The following LRFN2 variants were observed in gnomAD, a reference collection of about 807,000 sequenced individuals.
LRFN2 encodes the protein leucine-rich repeat and fibronectin type-III domain-containing protein 2.
A neutral mutation model predicts 37.3 loss-of-function variants in LRFN2; 18 were observed. The ratio of observed to expected loss-of-function variants is 0.48; its 90% CI spans 0.33 to 0.72. The LOEUF (loss-of-function observed/expected upper bound fraction) is 0.72. LRFN2 is among the 30% of genes least tolerant of loss of function. The probability of loss-of-function intolerance (pLI) is 0.02; values close to 1 mark genes in which losing one functional copy is unlikely to be tolerated. For missense variants in LRFN2, 1,006 were observed against 1,060.7 expected, an observed-to-expected ratio of 0.95 and a Z score of 0.72; for synonymous variants, 556 against 466.6, an observed-to-expected ratio of 1.19 and a Z score of -2.47.
intron 1 of LRFN2, among the ~76,000 whole-genome samples, chr6:40,481,485 A>G (rs1445419506): frequency 6.6e-6 from 1 of 151,666 alleles, no homozygotes; most frequent in Non-Finnish European, 1.5e-5. Context: ...AAAGAAAACC[A>G]TTTACTGAAA....
intron 1 of LRFN2, among the ~76,000 whole-genome samples, chr6:40,492,205 G>T (rs986935217): frequency 3.1e-4 from 47 of 152,198 alleles, no homozygotes; most frequent in African/African-American, 1.1e-3. Context: ...AAGGTGATGG[G>T]ACTAGTTGGG....
intron 1 of LRFN2, among the ~76,000 whole-genome samples, chr6:40,476,840 T>C (rs1351349235): frequency 2.6e-5 from 4 of 152,078 alleles, no homozygotes; most frequent in African/African-American, 7.3e-5. Flanking sequence ...CCAATGGACA[T>C]CTTCTGCCCC....
intron 1 of LRFN2, among the ~76,000 whole-genome samples, chr6:40,488,868 G>A (rs1250662546): frequency 6.6e-6 from 1 of 152,094 alleles, no homozygotes; most frequent in Non-Finnish European, 1.5e-5. Context: ...TTAGAATTAG[G>A]GAACATTCTA....
At chr6:40,482,994 G>A (rs146135871) in intron 1 of LRFN2, among the ~76,000 whole-genome samples, 189 of 152,308 alleles carry the variant, frequency 1.2e-3, no homozygotes, top group African/African-American at 3.8e-3. Context: ...GCCTCTCCCC[G>A]TTCTTGGAAC....
chr6:40,422,390 G>T (rs1014685727), intron 2 of LRFN2, among the ~76,000 whole-genome samples: 1 of 152,204 alleles, frequency 6.6e-6, no homozygotes, highest in Non-Finnish European at 1.5e-5. Context: ...ATCACTGGGA[G>T]AGCCTTAAAA....
At chr6:40,486,273 G>T (rs948585643) in intron 1 of LRFN2, among the ~76,000 whole-genome samples, 16 of 152,120 alleles carry the variant, frequency 1.1e-4, no homozygotes, top group South Asian at 1.0e-3. Context: ...CGTCCACAGA[G>T]GATGAGCAGA....
intron 1 of LRFN2, among the ~76,000 whole-genome samples, chr6:40,578,142 T>G (rs1767329537): frequency 6.6e-6 from 1 of 152,224 alleles, no homozygotes. Context: ...TCATGTCCTG[T>G]GGCCTAACTC....
intron 1 of LRFN2, among the ~76,000 whole-genome samples, chr6:40,526,381 A>G (rs1296578401): frequency 1.3e-5 from 2 of 152,216 alleles, no homozygotes; most frequent in African/African-American, 4.8e-5. Flanking sequence ...CTTAGCAAAG[A>G]CAGAAAATGA....
chr6:40,392,273 G>T lies in LRFN2; in HGVS notation c.2040C>A (p.Ala680=). The T allele has an allele frequency of 6.2e-7, 1 of 1,600,660 alleles. No individual in the cohort carries two copies. Among genetic ancestry groups the T allele is most frequent in the Non-Finnish European group, 8.5e-7 (1 of 1,174,586 alleles). The change falls in exon 3 of 3, where the codon GCC becomes GCA. Residue 680 remains alanine (A), a synonymous_variant. Transcript: ENST00000338305. The surrounding 1 kb of genome is among the most constrained non-coding windows in gnomAD (Gnocchi z 4.7). ...KEELLDSRTP[A]GRGAGTSARG... The stretch of plus-strand genomic sequence containing the variant: ...GGGCCGACGTCCCAGCCCCTCTCCC[G>T]GCTGGAGTCCTGGAGTCCAGCAGCT...
At chr6:40,520,022 G>A (rs1420989602) in intron 1 of LRFN2, among the ~76,000 whole-genome samples, 1 of 152,150 alleles carries the variant, frequency 6.6e-6, no homozygotes, top group Non-Finnish European at 1.5e-5. Flanking sequence ...TGGCATATAT[G>A]GATATAAAGG....
chr6:40,524,359 C>A (rs1333273882), intron 1 of LRFN2, among the ~76,000 whole-genome samples: 6 of 151,964 alleles, frequency 3.9e-5, no homozygotes, highest in Non-Finnish European at 8.8e-5. Flanking sequence ...TCAGCCACCT[C>A]CCCCTACCCT....
intron 1 of LRFN2, among the ~76,000 whole-genome samples, chr6:40,442,028 G>A (rs1290591558): frequency 1.3e-5 from 2 of 152,118 alleles, no homozygotes; most frequent in African/African-American, 4.8e-5. Flanking sequence ...GCAGATCCAA[G>A]TGCCAGGCCC....
chr6:40,482,577 CTTTTTCT>C (rs1374600331), intron 1 of LRFN2, among the ~76,000 whole-genome samples: 1 of 152,232 alleles, frequency 6.6e-6, no homozygotes, highest in Non-Finnish European at 1.5e-5. Flanking sequence ...TTTTAAATTT[CTTTTTCT>C]TTTTTCTTTT....
At chr6:40,401,007 C>T (rs115813965) in intron 2 of LRFN2, among the ~76,000 whole-genome samples, 110 of 148,412 alleles carry the variant, frequency 7.4e-4, no homozygotes, top group African/African-American at 2.5e-3. Flanking sequence ...CCCACCTCCC[C>T]CAGAGGCTCC....
At chr6:40,501,470 C>T (rs2113876512) in intron 1 of LRFN2, among the ~76,000 whole-genome samples, 1 of 151,696 alleles carries the variant, frequency 6.6e-6, no homozygotes, top group African/African-American at 2.4e-5. Context: ...AGGTGCCCAT[C>T]ACCGTGCCTG....
At chr6:40,433,191 A>G (rs1309901466) in intron 1 of LRFN2, 60 bp from the exon 2 acceptor site, 1 of 1,406,730 alleles carries the variant, frequency 7.1e-7, no homozygotes, top group Non-Finnish European at 9.5e-7. Flanking sequence ...ACTCACCCAG[A>G]GCTTCCTCCC....
chr6:40,520,027 T>A (rs1185772990), intron 1 of LRFN2, among the ~76,000 whole-genome samples: 1 of 151,982 alleles, frequency 6.6e-6, no homozygotes, highest in African/African-American at 2.4e-5. Flanking sequence ...TATATGGATA[T>A]AAAGGGTGTG....
chr6:40,486,379 A>T (rs1764958871), intron 1 of LRFN2, among the ~76,000 whole-genome samples: 1 of 152,196 alleles, frequency 6.6e-6, no homozygotes, highest in African/African-American at 2.4e-5. Context: ...GTGCAATAAG[A>T]GCTGGATGCA....
chr6:40,514,044 C>T (rs9462632), intron 1 of LRFN2, among the ~76,000 whole-genome samples: 82,817 of 151,298 alleles, frequency 0.55, 23,057 homozygotes, highest in South Asian at 0.66. Context: ...ACTATCCAAC[C>T]GGCTGGGGAG....
Sources: allele counts gnomAD v4.1 joint callset (sites outside exome capture counted in the v4.1 genomes callset), GRCh38; gene constraint gnomAD v4.1.1; non-coding constraint Gnocchi (gnomAD v3.1); transcripts MANE v1.5; gene names NCBI Gene and HGNC (gene_info 2026-07-23, HGNC 2026-07-21).